Variants in ARHGAP10 observed in about 807,000 individuals in gnomAD.
ARHGAP10 encodes Rho GTPase activating protein 10.
Under a neutral mutation model 108.6 loss-of-function variants are expected in ARHGAP10, and 87 were observed. The observed-to-expected ratio is 0.80, with a 90% CI of 0.67 to 0.96. The LOEUF is 0.96. Among genes scored for constraint, ARHGAP10 ranks in the 40% least tolerant of loss-of-function variants. The probability of loss-of-function intolerance (pLI) is 0.00; values close to 1 mark genes in which losing one functional copy is unlikely to be tolerated. For missense variants in ARHGAP10, 939 were observed against 954.5 expected, an observed-to-expected ratio of 0.98 and a Z score of 0.21; for synonymous variants, 347 against 341.1, an observed-to-expected ratio of 1.02 and a Z score of -0.19.
intron 18 of ARHGAP10, among the ~76,000 whole-genome samples, chr4:147,999,256 C>T (rs930106565): frequency 3.3e-5 from 5 of 152,232 alleles, no homozygotes; most frequent in Admixed American, 1.3e-4. Flanking sequence ...TCATCTATCA[C>T]CTGAGAGCAC....
chr4:147,982,527 C>T (rs1192387377), intron 18 of ARHGAP10, among the ~76,000 whole-genome samples: 1 of 148,208 alleles, frequency 6.7e-6, no homozygotes, highest in Non-Finnish European at 1.5e-5. Flanking sequence ...CAGGCATGTG[C>T]CATCACACCC....
chr4:147,888,489 T>C (rs942533303), intron 10 of ARHGAP10, among the ~76,000 whole-genome samples: 7 of 152,216 alleles, frequency 4.6e-5, no homozygotes, highest in African/African-American at 1.7e-4. Context: ...ATTCCTACCA[T>C]ATAAATACTA....
At chr4:147,946,589 A>T (rs367635119) in intron 14 of ARHGAP10, 28 bp from the exon 15 acceptor site, 1 of 1,597,436 alleles carries the variant, frequency 6.3e-7, no homozygotes, top group African/African-American at 1.3e-5. Context: ...GGTTTTAATT[A>T]TTTTTTTCTT....
At chr4:147,868,673 C>G (rs1015201672) in intron 7 of ARHGAP10, among the ~76,000 whole-genome samples, 1 of 152,148 alleles carries the variant, frequency 6.6e-6, no homozygotes, top group African/African-American at 2.4e-5. Context: ...TCTATAGATG[C>G]AGTGGGGGTG....
At chr4:147,848,156 C>T (rs562077441) in intron 4 of ARHGAP10, among the ~76,000 whole-genome samples, 5 of 151,640 alleles carry the variant, frequency 3.3e-5, no homozygotes, top group African/African-American at 1.2e-4. Flanking sequence ...AACACTGTGG[C>T]CTCAGTAGCT....
At chr4:147,977,276 A>G (rs1178451285) in intron 18 of ARHGAP10, among the ~76,000 whole-genome samples, 1 of 152,210 alleles carries the variant, frequency 6.6e-6, no homozygotes, top group Non-Finnish European at 1.5e-5. Context: ...GGAAAGAATG[A>G]GAGGGCGAGT....
chr4:147,855,272 A>G (rs573238346), intron 4 of ARHGAP10, among the ~76,000 whole-genome samples: 6 of 152,350 alleles, frequency 3.9e-5, no homozygotes, highest in African/African-American at 1.4e-4. Context: ...GTCTTCTGAC[A>G]CCTAATTCAG....
chr4:147,932,481 G>GA, intron 13 of ARHGAP10, among the ~76,000 whole-genome samples: 1 of 152,298 alleles, frequency 6.6e-6, no homozygotes, highest in South Asian at 2.1e-4. Flanking sequence ...CCATAAAAAG[G>GA]AATGAGATCA....
chr4:147,737,614 C>G (rs1257030987), intron 1 of ARHGAP10, among the ~76,000 whole-genome samples: 2 of 152,222 alleles, frequency 1.3e-5, no homozygotes, highest in African/African-American at 4.8e-5. Flanking sequence ...CTCATCTACA[C>G]TCTTTGCCTT....
At chr4:147,759,582 C>G (rs1394529944) in intron 1 of ARHGAP10, among the ~76,000 whole-genome samples, 1 of 9,286 alleles carries the variant, frequency 1.1e-4, no homozygotes, top group Non-Finnish European at 1.6e-3. Flanking sequence ...GATACACCGC[C>G]CCCCCCCCCC....
intron 10 of ARHGAP10, among the ~76,000 whole-genome samples, chr4:147,903,365 A>G (rs1341400757): frequency 6.6e-6 from 1 of 152,172 alleles, no homozygotes; most frequent in Non-Finnish European, 1.5e-5. Flanking sequence ...GATTTTCCTG[A>G]TTCCCCCCAA....
rs369574938 is a variant in ARHGAP10 at position 148,046,889 on chromosome 4, T to C, written c.1868-3T>C. On this transcript the variant is annotated splice_region_variant and splice_polypyrimidine_tract_variant and intron_variant, in intron 19 of 22. Coordinates refer to ENST00000336498, the MANE Select transcript of ARHGAP10 (RefSeq NM_024605.4). ...TGATATTCAATGCTTTTTTTCCTCC[T>C]AGGTGACAATCCTTACCCTTCCAAG... The C allele has an allele frequency of 6.2e-7, 1 of 1,609,902 alleles. No individual in the cohort carries two copies. Among genetic ancestry groups the C allele is most frequent in the Non-Finnish European group, 8.5e-7 (1 of 1,178,244 alleles).
intron 18 of ARHGAP10, among the ~76,000 whole-genome samples, chr4:148,004,226 TCTCTGCTATCAAATACTCTA>T (rs1740852846): frequency 6.6e-6 from 1 of 152,194 alleles, no homozygotes; most frequent in Non-Finnish European, 1.5e-5. Flanking sequence ...GAAGGGCATC[TCTCTGCTATCAAATACTCTA>T]CAGATATTCT....
intron 20 of ARHGAP10, among the ~76,000 whole-genome samples, chr4:148,056,473 A>C (rs1328606027): frequency 6.6e-6 from 1 of 152,094 alleles, no homozygotes; most frequent in Admixed American, 6.5e-5. Context: ...TTTATTTTGG[A>C]ATAGTTTAAG....
rs912914515 is a variant in ARHGAP10, at chr4:147,736,403, C to G, written c.154+3948C>G. On this transcript the variant is annotated intron_variant, in intron 1 of 22. Coordinates refer to ENST00000336498, the MANE Select transcript of ARHGAP10 (RefSeq NM_024605.4). ...TCTTTTGGGGAAATTTCTTAAGTTG[C>G]CATTACATTAAACCCACTGAGATTT... Among the ~76,000 whole-genome samples, 3 of 152,058 alleles carry G rather than the reference C, an allele frequency of 2.0e-5. No individual in the cohort carries two copies. In the East Asian group the frequency reaches 5.8e-4, roughly 29 times the overall value.
chr4:148,068,125 C>T (rs1333970181), intron 22 of ARHGAP10, among the ~76,000 whole-genome samples: 2 of 152,182 alleles, frequency 1.3e-5, no homozygotes, highest in African/African-American at 4.8e-5. Context: ...CCAGCCAGTC[C>T]TGCTGTGTCT....
Position 147,978,617 on chromosome 4 carries a change from C to T in ARHGAP10, c.1716+11778C>T, listed in dbSNP as rs150855740. Among the ~76,000 whole-genome samples the T allele has an allele frequency of 1.4e-4, 22 of 152,276 alleles. No individual in the cohort carries two copies. The East Asian group carries it at 3.9e-3, about 27-fold the overall frequency. On this transcript the variant is annotated intron_variant, in intron 18 of 22. Coordinates refer to ENST00000336498, the MANE Select transcript of ARHGAP10 (RefSeq NM_024605.4). ...CAGTAAGGTGTGCTTGCTTTTCCTT[C>T]GCCTTCCACCATGATTGTAATTTTC...
chr4:147,911,321 G>T (rs958246329), intron 12 of ARHGAP10, among the ~76,000 whole-genome samples: 3 of 152,118 alleles, frequency 2.0e-5, no homozygotes, highest in African/African-American at 7.2e-5. Context: ...CTGTTCCCTA[G>T]GTTCTAAATG....
Position 147,800,876 on chromosome 4 carries a change from A to G in ARHGAP10, c.155-21851A>G, listed in dbSNP as rs187704717. ...ACCCAGGCTGGAGTGCAGTGGCACAATCTTGTCTCACTGCAACCCACGCCT... is the reference window on the plus strand; with the variant it reads ...ACCCAGGCTGGAGTGCAGTGGCACAGTCTTGTCTCACTGCAACCCACGCCT... On this transcript the variant is annotated intron_variant, in intron 1 of 22. Transcript: ENST00000336498. 2.0e-3 allele frequency among the ~76,000 whole-genome samples: 306 copies of G among 152,312 alleles called. 4 individuals carry two copies. The highest frequency in any genetic ancestry group is 3.1e-3 in the South Asian group (15 of 4,824).
Sources: allele counts gnomAD v4.1 joint callset (sites outside exome capture counted in the v4.1 genomes callset), GRCh38; gene constraint gnomAD v4.1.1; transcripts MANE v1.5; gene names NCBI Gene and HGNC (gene_info 2026-07-23, HGNC 2026-07-21).